The following CADM2 variants were observed in gnomAD, a reference collection of about 807,000 sequenced individuals.
The protein encoded by CADM2 is immunoglobulin superfamily member 4D.
A neutral mutation model predicts 49.8 loss-of-function variants in CADM2; 12 were observed. The observed-to-expected ratio is 0.24, with a 90% CI of 0.15 to 0.39. CADM2 has a LOEUF of 0.39. Ranked by LOEUF, CADM2 falls within the 10% of genes least tolerant of loss-of-function variation. CADM2 has a pLI of 1.00. For missense variants in CADM2, 378 were observed against 492.3 expected (o/e 0.77, Z 2.20); for synonymous variants, 214 against 175.4 (o/e 1.22, Z -1.74).
At chr3:85,748,431 T>C (rs961318503) in intron 2 of CADM2, among the ~76,000 whole-genome samples, 3 of 152,084 alleles carry the variant, frequency 2.0e-5, no homozygotes, top group Admixed American at 2.0e-4. Context: ...AGTCAATTTA[T>C]TTCTCTACCC....
intron 1 of CADM2, among the ~76,000 whole-genome samples, chr3:85,179,200 TCTGA>T (rs2040861982): frequency 6.6e-6 from 1 of 152,010 alleles, no homozygotes; most frequent in African/African-American, 2.4e-5. Context: ...CTTATAATTT[TCTGA>T]CTGTCTTTCA....
intron 8 of CADM2, among the ~76,000 whole-genome samples, chr3:86,046,115 T>A (rs980320042): frequency 5.3e-5 from 8 of 152,170 alleles, no homozygotes; most frequent in African/African-American, 1.7e-4. Flanking sequence ...ATTTAAGGAC[T>A]ATTAAATTAA....
intron 8 of CADM2, among the ~76,000 whole-genome samples, chr3:86,004,169 G>A (rs915507964): frequency 6.8e-6 from 1 of 147,740 alleles, no homozygotes; most frequent in Middle Eastern, 3.4e-3. Context: ...AACAAAAAAC[G>A]AAGAGTTTCC....
At chr3:85,794,160 T>C (rs1009533070) in intron 2 of CADM2, among the ~76,000 whole-genome samples, 8 of 152,206 alleles carry the variant, frequency 5.3e-5, no homozygotes, top group African/African-American at 1.7e-4. Context: ...GATGTGATAC[T>C]AATATATCTT....
chr3:85,926,648 C>T (rs1164274081), intron 6 of CADM2, among the ~76,000 whole-genome samples: 2 of 151,846 alleles, frequency 1.3e-5, no homozygotes, highest in Admixed American at 6.6e-5. Flanking sequence ...AATTTGCTAT[C>T]GGGAGGTTTT....
chr3:85,613,729 A>C (rs1462074779), intron 1 of CADM2, among the ~76,000 whole-genome samples: 1 of 151,666 alleles, frequency 6.6e-6, no homozygotes, highest in East Asian at 1.9e-4. Flanking sequence ...ACTAGTGACT[A>C]TAAGAAGAAA....
intron 8 of CADM2, 71 bp downstream of exon 8, chr3:85,961,718 A>G (rs1264795346): frequency 1.4e-5 from 17 of 1,193,568 alleles, no homozygotes; most frequent in Non-Finnish European, 1.8e-5. Flanking sequence ...ATATATCAGA[A>G]TTTTAAGTGC....
chr3:85,596,264 A>G (rs1287043529), intron 1 of CADM2, among the ~76,000 whole-genome samples: 1 of 151,896 alleles, frequency 6.6e-6, no homozygotes, highest in South Asian at 2.1e-4. Context: ...ACCTTAGTTT[A>G]TCTCTAAGGG....
At chr3:85,753,175 T>C (rs1012878407) in intron 2 of CADM2, among the ~76,000 whole-genome samples, 2 of 152,306 alleles carry the variant, frequency 1.3e-5, no homozygotes, top group Non-Finnish European at 2.9e-5. Flanking sequence ...GTATGGTTCG[T>C]ATCTAATATC....
Position 85,735,602 on chromosome 3 carries a change from T to C in CADM2, c.88+9054T>C, listed in dbSNP as rs536899573. 4.5e-4 allele frequency among the ~76,000 whole-genome samples: 69 copies of C among 152,264 alleles called. 1 individual carries two copies. The highest frequency in any genetic ancestry group is 1.6e-3 in the African/African-American group (67 of 41,548). Reference sequence around the variant, plus strand: ...AAAAAAGACTGCAATGAGAGTTGTTTGGATGCTTTTCCAAGAATCCAGTGG... The same window carrying C: ...AAAAAAGACTGCAATGAGAGTTGTTCGGATGCTTTTCCAAGAATCCAGTGG... On this transcript the variant is annotated intron_variant, in intron 2 of 9. Coordinates refer to ENST00000383699, the MANE Select transcript of CADM2 (RefSeq NM_001167675.2).
chr3:85,855,973 T>G (rs2075304225), intron 3 of CADM2, among the ~76,000 whole-genome samples: 1 of 152,144 alleles, frequency 6.6e-6, no homozygotes, highest in Non-Finnish European at 1.5e-5. Context: ...GCAGGTTAAT[T>G]AAGATGGAAA....
At chr3:85,471,264 T>C (rs2038752451) in intron 1 of CADM2, among the ~76,000 whole-genome samples, 1 of 152,132 alleles carries the variant, frequency 6.6e-6, no homozygotes, top group Non-Finnish European at 1.5e-5. Context: ...GGTTCAAATT[T>C]GGTTCATCCA....
At chr3:85,451,805 C>T (rs1184786474) in intron 1 of CADM2, among the ~76,000 whole-genome samples, 1 of 152,030 alleles carries the variant, frequency 6.6e-6, no homozygotes, top group Admixed American at 6.6e-5. Flanking sequence ...TATTTAGGAG[C>T]ACAATAACAG....
At chr3:85,668,756 G>A (rs575192466) in intron 1 of CADM2, among the ~76,000 whole-genome samples, 30 of 152,088 alleles carry the variant, frequency 2.0e-4, no homozygotes, top group South Asian at 6.2e-4. Flanking sequence ...GCCCAGTCTC[G>A]GATATGTATT....
chr3:86,021,488 A>G (rs1733175113), intron 8 of CADM2, among the ~76,000 whole-genome samples: 1 of 152,178 alleles, frequency 6.6e-6, no homozygotes, highest in South Asian at 2.1e-4. Flanking sequence ...TTAACAGATT[A>G]TCTCATCATT....
At chr3:85,568,481 T>TTCTTTCTCTTTCTCTCTC (rs2062371197) in intron 1 of CADM2, among the ~76,000 whole-genome samples, 1 of 49,684 alleles carries the variant, frequency 2.0e-5, no homozygotes, top group Admixed American at 2.8e-4. Context: ...CTCTCTTTCT[T>TTCTTTCTCTTTCTCTCTC]TCTTTCTTTC....
intron 8 of CADM2, among the ~76,000 whole-genome samples, chr3:85,975,275 A>G (rs1726638264): frequency 6.6e-6 from 1 of 151,362 alleles, no homozygotes; most frequent in Non-Finnish European, 1.5e-5. Context: ...AATTTAAAAC[A>G]CATAATTATG....
chr3:85,244,313 A>C (rs1474279602), intron 1 of CADM2, among the ~76,000 whole-genome samples: 2 of 152,018 alleles, frequency 1.3e-5, no homozygotes, highest in Non-Finnish European at 2.9e-5. Context: ...TTTGAATAAA[A>C]CCTCAGCCAA....
intron 1 of CADM2, among the ~76,000 whole-genome samples, chr3:85,157,664 C>T (rs2040177617): frequency 6.6e-6 from 1 of 151,952 alleles, no homozygotes; most frequent in African/African-American, 2.4e-5. Context: ...TGGATCCCTT[C>T]CTTACACCTT....
Sources: allele counts gnomAD v4.1 joint callset (sites outside exome capture counted in the v4.1 genomes callset), GRCh38; gene constraint gnomAD v4.1.1; transcripts MANE v1.5; gene names NCBI Gene and HGNC (gene_info 2026-07-23, HGNC 2026-07-21).